DSE: variants seen among roughly 807,000 people sequenced by gnomAD.
DSE encodes dermatan-sulfate epimerase.
DSE carries 36 observed loss-of-function variants against 84.4 expected under a neutral mutation model. The observed-to-expected ratio is 0.43, with a 90% CI of 0.33 to 0.56. The LOEUF (loss-of-function observed/expected upper bound fraction) is 0.56, where lower values mean the gene tolerates loss of function less well. Ranked by LOEUF, DSE falls within the 20% of genes least tolerant of loss-of-function variation. DSE has a pLI of 0.06. For synonymous variants in DSE, 410 were observed against 430.1 expected (o/e 0.95, Z 0.58); for missense variants, 862 against 1,169.6 (o/e 0.74, Z 3.84).
intron 2 of DSE, among the ~76,000 whole-genome samples, chr6:116,329,161 A>G (rs1474471134): frequency 6.6e-6 from 1 of 152,242 alleles, no homozygotes; most frequent in African/African-American, 2.4e-5. Context: ...ATTGCATTCT[A>G]TGTGGAAGTA....
chr6:116,286,606 A>G lies in DSE; in HGVS notation c.-54+27639A>G, dbSNP rs184193881. ...TACACAGGTAAATAGAAAAACATCAATATAATCACATCATAAAAGAGAAAT... is the reference window on the plus strand; with the variant it reads ...TACACAGGTAAATAGAAAAACATCAGTATAATCACATCATAAAAGAGAAAT... On this transcript the variant is annotated intron_variant, in intron 2 of 3. Coordinates refer to the DSE transcript ENST00000430252. Among the ~76,000 whole-genome samples the G allele has an allele frequency of 1.3e-3, 203 of 152,278 alleles. 3 individuals carry two copies. Among genetic ancestry groups the G allele is most frequent in the African/African-American group, 4.2e-3 (175 of 41,554 alleles).
rs1433709840 is a variant in DSE, at chr6:116,438,093, C to CTA, written c.*749_*750insAT. 6.6e-6 allele frequency: 1 copy of CTA among 152,106 alleles called. No homozygotes were observed. The highest frequency in any genetic ancestry group is 2.4e-5 in the African/African-American group (1 of 41,272). 9.4% of individuals were successfully genotyped at this position (152,106 alleles called of 1,614,324 possible). A position where few individuals can be genotyped will look rare whatever the true frequency, so the allele number is the denominator to read the frequency against. On this transcript the variant is annotated 3_prime_UTR_variant, in exon 6 of 6. Coordinates refer to ENST00000644252, the MANE Select transcript of DSE (RefSeq NM_013352.4). ...TGATTACAGATAATACTGTATTTTCCTTATATGGAAAACCGTTATAGACCC... is the reference window on the plus strand; with the variant it reads ...TGATTACAGATAATACTGTATTTTCCTATTATATGGAAAACCGTTATAGACCC...
intron 2 of DSE, among the ~76,000 whole-genome samples, chr6:116,313,819 A>T (rs1426529280): frequency 6.6e-6 from 1 of 152,214 alleles, no homozygotes; most frequent in East Asian, 1.9e-4. Flanking sequence ...AAGTTCATGA[A>T]CATGCCTATC....
chr6:116,419,110 T>C (rs1447422197), intron 2 of DSE, among the ~76,000 whole-genome samples: 1 of 152,188 alleles, frequency 6.6e-6, no homozygotes, highest in African/African-American at 2.4e-5. Flanking sequence ...AACATTCCCC[T>C]TGGACTGCTG....
chr6:116,348,503 A>G (rs1036869642), intron 2 of DSE, among the ~76,000 whole-genome samples: 2 of 152,140 alleles, frequency 1.3e-5, no homozygotes, highest in Non-Finnish European at 2.9e-5. Context: ...GTGGAGAAAT[A>G]GGAATACTTT....
intron 2 of DSE, among the ~76,000 whole-genome samples, chr6:116,337,393 C>G (rs1583041705): frequency 6.6e-6 from 1 of 152,154 alleles, no homozygotes; most frequent in South Asian, 2.1e-4. Context: ...AGGTGGATCA[C>G]GAGGTCAGGA....
intron 2 of DSE, among the ~76,000 whole-genome samples, chr6:116,316,990 A>G (rs553968830): frequency 6.6e-6 from 1 of 152,272 alleles, no homozygotes; most frequent in East Asian, 1.9e-4. Flanking sequence ...GAAATTTAGT[A>G]GGGTAAATTC....
chr6:116,269,004 C>T (rs1212037574), intron 2 of DSE, among the ~76,000 whole-genome samples: 1 of 146,854 alleles, frequency 6.8e-6, no homozygotes, highest in Non-Finnish European at 1.5e-5. Context: ...TGATCACTGC[C>T]TGTGATAATA....
chr6:116,304,080 A>G (rs1300064918), intron 2 of DSE, among the ~76,000 whole-genome samples: 1 of 150,658 alleles, frequency 6.6e-6, no homozygotes, highest in African/African-American at 2.4e-5. Context: ...CCGAGGTTGC[A>G]CCACTGCACT....
intron 2 of DSE, among the ~76,000 whole-genome samples, chr6:116,325,213 C>T (rs755662611): frequency 1.3e-5 from 2 of 152,196 alleles, no homozygotes; most frequent in Non-Finnish European, 2.9e-5. Flanking sequence ...AAAACCCTGG[C>T]GAGTGAGACT....
chr6:116,378,664 T>C (rs748863583), intron 1 of DSE, among the ~76,000 whole-genome samples: 4 of 152,194 alleles, frequency 2.6e-5, no homozygotes, highest in Non-Finnish European at 5.9e-5. Context: ...ATTCCAGGTA[T>C]ACAACCTAAG....
chr6:116,374,581 A>G (rs1040181338), intron 1 of DSE, among the ~76,000 whole-genome samples: 1 of 152,200 alleles, frequency 6.6e-6, no homozygotes, highest in Non-Finnish European at 1.5e-5. Context: ...GAATCTGGGT[A>G]GCTTAAGAAG....
chr6:116,429,944 T>C (rs1583225728), intron 3 of DSE, among the ~76,000 whole-genome samples: 1 of 11,476 alleles, frequency 8.7e-5, no homozygotes, highest in Admixed American at 1.3e-3. Context: ...AGAGCGAGAC[T>C]CCGTCTCAAA....
At chr6:116,435,183 C>T (rs2115092216) in intron 5 of DSE, among the ~76,000 whole-genome samples, 1 of 152,282 alleles carries the variant, frequency 6.6e-6, no homozygotes, top group South Asian at 2.1e-4. Flanking sequence ...TACTTTATTA[C>T]AACTCAAGGC....
At chr6:116,283,481 T>C (rs1187515839) in intron 2 of DSE, among the ~76,000 whole-genome samples, 2 of 152,194 alleles carry the variant, frequency 1.3e-5, no homozygotes, top group African/African-American at 4.8e-5. Flanking sequence ...GCAGCTTCTT[T>C]TGCATTTATT....
At position 116,267,028 on chromosome 6, in the gene DSE, C is replaced by G. The variant is rs1459220424; in HGVS notation, c.-54+8061C>G. On this transcript the variant is annotated intron_variant, in intron 2 of 3. Coordinates refer to the DSE transcript ENST00000430252. ...CATAAGGTCATAGTATAACTCATTA[C>G]TCATGTATTGGTGGTAATGCTGGTA... Among the ~76,000 whole-genome samples, 4 of 152,264 alleles carry G rather than the reference C, an allele frequency of 2.6e-5. No individual in the cohort carries two copies. The South Asian group carries it at 8.3e-4, about 32-fold the overall frequency.
upstream of DSE, chr6:116,367,357 CAAA>C (rs1170674349): frequency 1.3e-5 from 2 of 152,068 alleles, no homozygotes; most frequent in Non-Finnish European, 2.9e-5. Flanking sequence ...GGAAGAAAAA[CAAA>C]AAGCATTTCA....
chr6:116,371,405 G>A (rs922070203), intron 1 of DSE, among the ~76,000 whole-genome samples: 4 of 152,182 alleles, frequency 2.6e-5, no homozygotes, highest in African/African-American at 4.8e-5. Flanking sequence ...GCCGAGCACC[G>A]AGCCGGGAAC....
intron 2 of DSE, among the ~76,000 whole-genome samples, chr6:116,362,191 C>G (rs1188135684): frequency 6.6e-6 from 1 of 152,220 alleles, no homozygotes; most frequent in Admixed American, 6.5e-5. Flanking sequence ...TTCCAATATA[C>G]AGTCTAAGTG....
Sources: gnomAD v4.1 joint callset for allele counts (sites outside exome capture counted in the v4.1 genomes callset) on GRCh38, gnomAD v4.1.1 for gene constraint, MANE v1.5 for transcripts, NCBI Gene and HGNC (gene_info 2026-07-23, HGNC 2026-07-21) for gene names.